SRRM4: variants seen among roughly 807,000 people sequenced by gnomAD.
SRRM4 encodes serine/arginine repetitive matrix protein 4.
A neutral mutation model predicts 68.9 loss-of-function variants in SRRM4; 33 were observed. The ratio of observed to expected loss-of-function variants is 0.48; its 90% CI spans 0.36 to 0.64. SRRM4 has a LOEUF of 0.64. Among genes scored for constraint, SRRM4 ranks in the 30% least tolerant of loss-of-function variants. The pLI is 0.00. For synonymous variants in SRRM4, 318 were observed against 318.8 expected (o/e 1.00, Z 0.03); for missense variants, 817 against 827.1 (o/e 0.99, Z 0.15).
At chr12:119,130,600 G>A in intron 7 of SRRM4, 78 bp from the exon 8 acceptor site, 1 of 1,409,040 alleles carries the variant, frequency 7.1e-7, no homozygotes, top group Non-Finnish European at 9.6e-7. Flanking sequence ...ATCATCCTCA[G>A]ATCCTGTTGG....
At chr12:119,029,134 A>G (rs1433098083) in intron 1 of SRRM4, among the ~76,000 whole-genome samples, 1 of 152,174 alleles carries the variant, frequency 6.6e-6, no homozygotes, top group African/African-American at 2.4e-5. Flanking sequence ...GGTAGGCATT[A>G]CACCATCCCC....
intron 1 of SRRM4, among the ~76,000 whole-genome samples, chr12:119,096,085 A>G (rs1954042679): frequency 1.3e-5 from 2 of 150,474 alleles, no homozygotes; most frequent in African/African-American, 4.9e-5. Context: ...CAGTGGCGCG[A>G]TCTCAGCTCA....
At chr12:119,053,290 T>A (rs940031052) in intron 1 of SRRM4, among the ~76,000 whole-genome samples, 1 of 152,218 alleles carries the variant, frequency 6.6e-6, no homozygotes, top group Non-Finnish European at 1.5e-5. Flanking sequence ...AATTGTAATA[T>A]GAAGTTTCCT....
intron 1 of SRRM4, chr12:118,994,029 C>T (rs899813895): frequency 1.3e-5 from 2 of 152,100 alleles, no homozygotes; most frequent in Non-Finnish European, 2.9e-5. Context: ...CACCAGGTTG[C>T]CTAAGGGATG....
chr12:119,153,479 T>C, intron 10 of SRRM4, 60 bp from the exon 11 acceptor site: 1 of 1,179,392 alleles, frequency 8.5e-7, no homozygotes, highest in Non-Finnish European at 1.2e-6. Flanking sequence ...GCTCAAGCCG[T>C]CTTGGATAAC....
intron 1 of SRRM4, among the ~76,000 whole-genome samples, chr12:119,017,813 C>T (rs1953491348): frequency 6.6e-6 from 1 of 152,174 alleles, no homozygotes; most frequent in Non-Finnish European, 1.5e-5. Context: ...TTCTGCCTCA[C>T]TCCTCTCAGC....
At position 119,130,621 on chromosome 12, in the gene SRRM4, A is replaced by C. The variant is rs1033161053; in HGVS notation, c.615-57A>C. Reference sequence around the variant, plus strand: ...CTCAGATCCTGTTGGTCCTGCATACATCTCCCTACCATGCTCCCCTTCAAA... The same window carrying C: ...CTCAGATCCTGTTGGTCCTGCATACCTCTCCCTACCATGCTCCCCTTCAAA... On this transcript the variant is annotated intron_variant, in intron 7 of 12. Coordinates refer to ENST00000267260, the MANE Select transcript of SRRM4 (RefSeq NM_194286.4). 2.6e-6 allele frequency: 4 copies of C among 1,548,338 alleles called. No homozygotes were observed. The African/African-American group carries it at 5.4e-5, about 21-fold the overall frequency.
chr12:119,084,319 G>T (rs1953967319), intron 1 of SRRM4, among the ~76,000 whole-genome samples: 1 of 152,246 alleles, frequency 6.6e-6, no homozygotes, highest in African/African-American at 2.4e-5. Flanking sequence ...TCTGGAAGGT[G>T]AGAGGGGAAG....
At chr12:119,025,428 G>GTTTTT (rs74903455) in intron 1 of SRRM4, among the ~76,000 whole-genome samples, 6 of 148,580 alleles carry the variant, frequency 4.0e-5, no homozygotes, top group African/African-American at 1.5e-4. Flanking sequence ...CATATATGGA[G>GTTTTT]TTTTTTTTTT....
At chr12:119,055,199 C>T (rs1392668637) in intron 1 of SRRM4, among the ~76,000 whole-genome samples, 3 of 152,134 alleles carry the variant, frequency 2.0e-5, no homozygotes, top group Non-Finnish European at 4.4e-5. Context: ...ATGGGCTACA[C>T]AGGAGGGAAC....
At chr12:119,059,144 A>G (rs1378884796) in intron 1 of SRRM4, among the ~76,000 whole-genome samples, 3 of 152,102 alleles carry the variant, frequency 2.0e-5, no homozygotes, top group African/African-American at 7.2e-5. Flanking sequence ...TGGGTCTTGG[A>G]TTAAGAAATA....
intron 4 of SRRM4, among the ~76,000 whole-genome samples, 190 bp from the exon 5 acceptor site, chr12:119,120,058 GAA>G (rs11308536): frequency 2.1e-5 from 3 of 146,246 alleles, no homozygotes; most frequent in East Asian, 2.0e-4. Context: ...TTCATACCAG[GAA>G]AAAAAAAAAC....
intron 3 of SRRM4, 139 bp from the exon 4 acceptor site, chr12:119,116,798 G>C: frequency 1.7e-6 from 1 of 598,444 alleles, no homozygotes; most frequent in Non-Finnish European, 3.0e-6. Flanking sequence ...ATGCAAGCTA[G>C]TATCAGCATG....
At chr12:119,120,398 G>A in intron 5 of SRRM4, 122 bp downstream of exon 5, 1 of 1,041,554 alleles carries the variant, frequency 9.6e-7, no homozygotes, top group Non-Finnish European at 1.4e-6. Context: ...TCATCTTCCT[G>A]GGCCTCAGTT....
chr12:119,030,606 C>T (rs1956641417), intron 1 of SRRM4, among the ~76,000 whole-genome samples: 1 of 152,140 alleles, frequency 6.6e-6, no homozygotes, highest in Non-Finnish European at 1.5e-5. Context: ...GGTATATCTG[C>T]AGTCTTTTTC....
chr12:119,042,769 A>G (rs1420759103), intron 1 of SRRM4, among the ~76,000 whole-genome samples: 5 of 152,042 alleles, frequency 3.3e-5, no homozygotes, highest in Admixed American at 1.3e-4. Context: ...GAGAGAAAGA[A>G]GATAAGAAAC....
chr12:119,156,989 A>G lies in SRRM4; in HGVS notation c.*191A>G. 1 of 647,912 alleles carries G rather than the reference A, an allele frequency of 1.5e-6. No individual in the cohort carries two copies. The highest frequency in any genetic ancestry group is 2.5e-6 in the Non-Finnish European group (1 of 393,482). The allele number at this position is 647,912 out of a possible 1,614,324, so 40.1% of individuals were successfully genotyped here. On this transcript the variant is annotated 3_prime_UTR_variant, in exon 13 of 13. Transcript: ENST00000267260. ...GATCAGCCTGCTAGGAGCCTCTACC[A>G]GCATCATCCTGGGGCCCAGCTCAGG...
At chr12:119,103,108 G>T (rs964112665) in intron 2 of SRRM4, among the ~76,000 whole-genome samples, 3 of 151,912 alleles carry the variant, frequency 2.0e-5, no homozygotes, top group African/African-American at 7.3e-5. Flanking sequence ...ATTATCCCCT[G>T]CCTCCTGTTT....
At chr12:118,984,375 G>A (rs1330141340) in intron 1 of SRRM4, among the ~76,000 whole-genome samples, 1 of 152,180 alleles carries the variant, frequency 6.6e-6, no homozygotes, top group South Asian at 2.1e-4. Flanking sequence ...TTCCTCTAGA[G>A]GCAATCTGGG....
Sources: allele counts gnomAD v4.1 joint callset (sites outside exome capture counted in the v4.1 genomes callset), GRCh38; gene constraint gnomAD v4.1.1; transcripts MANE v1.5; gene names NCBI Gene and HGNC (gene_info 2026-07-23, HGNC 2026-07-21).